ZNF521: variants seen among roughly 807,000 people sequenced by gnomAD.
ZNF521 encodes LYST-interacting protein 3.
In ZNF521, 14 loss-of-function variants were observed where a neutral mutation model predicts 105.5. The observed-to-expected ratio is 0.13, with a 90% confidence interval of 0.09 to 0.21. ZNF521 has a LOEUF of 0.21. Among genes scored for constraint, ZNF521 ranks in the 10% least tolerant of loss-of-function variants. ZNF521 has a pLI of 1.00. For missense variants in ZNF521, 1,233 were observed against 1,629.7 expected (o/e 0.76, Z 4.19); for synonymous variants, 635 against 606.0 (o/e 1.05, Z -0.70).
At chr18:25,235,339 G>T (rs547067825) in intron 3 of ZNF521, among the ~76,000 whole-genome samples, 3 of 152,206 alleles carry the variant, frequency 2.0e-5, no homozygotes, top group African/African-American at 7.2e-5. Flanking sequence ...ATGCTACCAA[G>T]TTAATCATTA....
intron 5 of ZNF521, among the ~76,000 whole-genome samples, chr18:25,152,874 T>C (rs987564309): frequency 3.3e-5 from 5 of 152,180 alleles, no homozygotes; most frequent in African/African-American, 1.2e-4. Context: ...AGAGATAAAA[T>C]GCAAAAGTTA....
chr18:25,193,302 G>A (rs1247443642), intron 5 of ZNF521, among the ~76,000 whole-genome samples: 1 of 152,046 alleles, frequency 6.6e-6, no homozygotes, highest in Non-Finnish European at 1.5e-5. Context: ...AATTCTAAAT[G>A]TGCAAAAGAG....
At chr18:25,217,358 G>A (rs544329330) in intron 4 of ZNF521, among the ~76,000 whole-genome samples, 2 of 152,280 alleles carry the variant, frequency 1.3e-5, no homozygotes, top group South Asian at 4.1e-4. Flanking sequence ...ACTTATTGGA[G>A]GTGGAATCAA....
intron 3 of ZNF521, among the ~76,000 whole-genome samples, chr18:25,316,435 G>T (rs1329241475): frequency 8.9e-6 from 1 of 112,586 alleles, no homozygotes; most frequent in African/African-American, 3.4e-5. Flanking sequence ...AGCCAGGGGT[G>T]GGGGGTGGGG....
chr18:25,274,392 A>G (rs1325177717), intron 3 of ZNF521, among the ~76,000 whole-genome samples: 1 of 152,240 alleles, frequency 6.6e-6, no homozygotes, highest in East Asian at 1.9e-4. Flanking sequence ...TCCCAGAGTC[A>G]GCTGACTATC....
At chr18:25,108,558 C>T (rs905397106) in intron 5 of ZNF521, among the ~76,000 whole-genome samples, 1 of 151,900 alleles carries the variant, frequency 6.6e-6, no homozygotes, top group African/African-American at 2.4e-5. Context: ...CCCATAGCTG[C>T]AAACTATGAA....
At chr18:25,203,081 C>A (rs1432162125) in intron 4 of ZNF521, among the ~76,000 whole-genome samples, 1 of 152,170 alleles carries the variant, frequency 6.6e-6, no homozygotes, top group Non-Finnish European at 1.5e-5. Context: ...TCCCTAAACT[C>A]AAGGCATTAC....
At chr18:25,261,986 A>T (rs1908942204) in intron 3 of ZNF521, among the ~76,000 whole-genome samples, 1 of 152,204 alleles carries the variant, frequency 6.6e-6, no homozygotes, top group Admixed American at 6.5e-5. Context: ...AGTTTTTACT[A>T]GGATTATAAA....
intron 5 of ZNF521, among the ~76,000 whole-genome samples, chr18:25,104,058 C>G (rs1329961240): frequency 1.3e-5 from 2 of 152,044 alleles, no homozygotes; most frequent in East Asian, 3.9e-4. Flanking sequence ...ATGGAGTGCT[C>G]TTTCTCCGAT....
chr18:25,120,582 T>TAAAAAAA (rs796811110), intron 5 of ZNF521, among the ~76,000 whole-genome samples: 64 of 11,292 alleles, frequency 5.7e-3, no homozygotes, highest in Non-Finnish European at 8.7e-3. Context: ...AAACTCCATC[T>TAAAAAAA]AAAAAAAAAA....
chr18:25,100,740 G>A (rs946803368), intron 5 of ZNF521, among the ~76,000 whole-genome samples: 9 of 151,818 alleles, frequency 5.9e-5, no homozygotes, highest in Admixed American at 5.9e-4. Flanking sequence ...ACAGTTTATT[G>A]GAAATGTGCT....
intron 7 of ZNF521, among the ~76,000 whole-genome samples, chr18:25,063,456 G>A (rs2032964960): frequency 6.6e-6 from 1 of 152,110 alleles, no homozygotes; most frequent in African/African-American, 2.4e-5. Context: ...GCTGTATATT[G>A]GTGGTCCCTG....
chr18:25,339,742 A>G (rs1914095254), intron 2 of ZNF521, among the ~76,000 whole-genome samples: 1 of 152,252 alleles, frequency 6.6e-6, no homozygotes, highest in African/African-American at 2.4e-5. Context: ...AAAGGCTTAT[A>G]GAGAAACCAG....
In ZNF521 at chr18:25,226,064, CT is replaced by C; in HGVS notation, c.1853del (p.Lys618ArgfsTer2). On this transcript the variant is annotated frameshift_variant, in exon 4 of 8. Coordinates refer to ENST00000361524, the MANE Select transcript of ZNF521 (RefSeq NM_015461.3). LOFTEE classifies it high-confidence loss of function. The surrounding 1 kb of genome is among the most constrained non-coding windows in gnomAD (Gnocchi z 4.1). Reference sequence around the variant, plus strand: ...GTGCACCTCCTACTGCCTGCATCATCTTAAGAGATGTCTGCTCTATGGCCAC... The same window carrying C: ...GTGCACCTCCTACTGCCTGCATCATCTAAGAGATGTCTGCTCTATGGCCAC... ...SPVAIEQTSL[K>X]MMQAVGGAPA... is the part of the protein sequence containing the mutation. 6.2e-7 allele frequency: 1 copy of C among 1,614,202 alleles called. No homozygotes were observed. Among genetic ancestry groups the C allele is most frequent in the Non-Finnish European group, 8.5e-7 (1 of 1,180,036 alleles).
intron 2 of ZNF521, among the ~76,000 whole-genome samples, chr18:25,322,556 C>CAAAAAAAAA (rs1311502086): frequency 2.1e-5 from 3 of 146,304 alleles, no homozygotes; most frequent in South Asian, 2.2e-4. Flanking sequence ...AAAAAAAACC[C>CAAAAAAAAA]CCCCACTGTG....
At chr18:25,289,994 T>G (rs1485686709) in intron 3 of ZNF521, among the ~76,000 whole-genome samples, 1 of 152,118 alleles carries the variant, frequency 6.6e-6, no homozygotes, top group Admixed American at 6.5e-5. Context: ...ATTTTCGGCA[T>G]AAATACAGTG....
intron 7 of ZNF521, among the ~76,000 whole-genome samples, chr18:25,086,018 T>G (rs557859039): frequency 6.6e-6 from 1 of 152,216 alleles, no homozygotes; most frequent in South Asian, 2.1e-4. Context: ...CTTAGACATT[T>G]AGTTTTATAG....
chr18:25,179,664 A>G (rs1314107485), intron 5 of ZNF521, among the ~76,000 whole-genome samples: 1 of 152,184 alleles, frequency 6.6e-6, no homozygotes, highest in Non-Finnish European at 1.5e-5. Flanking sequence ...AAGCCAAAAA[A>G]CATCCTTTTC....
intron 2 of ZNF521, among the ~76,000 whole-genome samples, chr18:25,343,136 C>T (rs1914301693): frequency 6.6e-6 from 1 of 151,976 alleles, no homozygotes; most frequent in Non-Finnish European, 1.5e-5. Flanking sequence ...GGATTTTGTC[C>T]CTATCAGGTA....
Sources: gnomAD v4.1 joint callset for allele counts (sites outside exome capture counted in the v4.1 genomes callset) on GRCh38, gnomAD v4.1.1 for gene constraint, Gnocchi (gnomAD v3.1) non-coding constraint, MANE v1.5 for transcripts, NCBI Gene and HGNC (gene_info 2026-07-23, HGNC 2026-07-21) for gene names.